ADCY8: variants seen among roughly 807,000 people sequenced by gnomAD.
ADCY8 encodes the protein adenylate cyclase 8.
In ADCY8, 51 loss-of-function variants were observed where a neutral mutation model predicts 119.7. That is an observed-to-expected ratio of 0.43 (90% CI 0.34 to 0.54). ADCY8 has a LOEUF of 0.54. Among genes scored for constraint, ADCY8 ranks in the 20% least tolerant of loss-of-function variants. The pLI is 0.03. For missense variants in ADCY8, 1,383 were observed against 1,598.8 expected (o/e 0.87, Z 2.30); for synonymous variants, 665 against 651.0 (o/e 1.02, Z -0.33).
intron 13 of ADCY8, among the ~76,000 whole-genome samples, chr8:130,818,788 C>T (rs367870540): frequency 6.6e-6 from 1 of 152,104 alleles, no homozygotes; most frequent in Non-Finnish European, 1.5e-5. Context: ...TGCAGAAAGC[C>T]GCCCCTATCA....
chr8:130,894,547 C>G (rs1281159855), intron 7 of ADCY8, among the ~76,000 whole-genome samples: 2 of 152,134 alleles, frequency 1.3e-5, no homozygotes, highest in South Asian at 2.1e-4. Flanking sequence ...TGGGAAGAGA[C>G]ACTGCCAAAT....
chr8:130,975,616 T>C (rs1383694536), intron 2 of ADCY8, among the ~76,000 whole-genome samples: 1 of 152,194 alleles, frequency 6.6e-6, no homozygotes, highest in East Asian at 1.9e-4. Context: ...GTCACAGTGA[T>C]TCAGTGAGGC....
chr8:130,788,259 AG>A (rs1669064636), intron 15 of ADCY8, among the ~76,000 whole-genome samples: 1 of 152,250 alleles, frequency 6.6e-6, no homozygotes, highest in Admixed American at 6.5e-5. Context: ...TCAATGGATG[AG>A]TAAATTCAAA....
chr8:130,938,413 T>C (rs1377820665), intron 4 of ADCY8, among the ~76,000 whole-genome samples: 2 of 152,250 alleles, frequency 1.3e-5, no homozygotes, highest in African/African-American at 4.8e-5. Context: ...ACATATCCTC[T>C]TGGTTTCCTT....
In ADCY8 at chr8:131,040,424, T is replaced by C. The variant is rs755306425; in HGVS notation, c.-91A>G. ...GACTCAAAGGCGGCCTGGTAGGAGC[T>C]TGGCAAGGATCCTTTTTATCCTAGG... On this transcript the variant is annotated 5_prime_UTR_variant, in exon 1 of 18. Transcript: ENST00000286355. The C allele has an allele frequency of 7.1e-5, 97 of 1,371,598 alleles. No individual in the cohort carries two copies. Among genetic ancestry groups the C allele is most frequent in the Non-Finnish European group, 9.0e-5 (96 of 1,062,714 alleles). The allele number at this position is 1,371,598 out of a possible 1,614,324, so 85.0% of individuals were successfully genotyped here.
chr8:130,948,330 G>A (rs1371299604), intron 3 of ADCY8, among the ~76,000 whole-genome samples: 1 of 152,342 alleles, frequency 6.6e-6, no homozygotes, highest in South Asian at 2.1e-4. Context: ...GAGCGTGAAT[G>A]ACTTCCAGTA....
chr8:130,973,153 T>A (rs1821973320), intron 2 of ADCY8, among the ~76,000 whole-genome samples: 1 of 152,190 alleles, frequency 6.6e-6, no homozygotes, highest in Non-Finnish European at 1.5e-5. Flanking sequence ...TGTAGGTACG[T>A]GTGTTTTTTG....
intron 14 of ADCY8, among the ~76,000 whole-genome samples, chr8:130,810,243 C>T (rs866680649): frequency 1.1e-4 from 17 of 152,094 alleles, no homozygotes; most frequent in African/African-American, 2.7e-4. Flanking sequence ...TTGCCTCTTA[C>T]GGTAACAGAG....
At chr8:131,000,170 G>C (rs146779474) in intron 1 of ADCY8, among the ~76,000 whole-genome samples, 376 of 152,266 alleles carry the variant, frequency 2.5e-3, no homozygotes, top group African/African-American at 8.7e-3. Context: ...AAGTTAAACA[G>C]CTCCACAGTG....
intron 11 of ADCY8, among the ~76,000 whole-genome samples, chr8:130,841,727 T>C (rs1035904684): frequency 2.0e-5 from 3 of 152,152 alleles, no homozygotes; most frequent in Non-Finnish European, 4.4e-5. Flanking sequence ...GCTGCCAAAA[T>C]CCCATAACAT....
At chr8:130,974,253 C>A (rs1822007152) in intron 2 of ADCY8, among the ~76,000 whole-genome samples, 1 of 152,180 alleles carries the variant, frequency 6.6e-6, no homozygotes, top group South Asian at 2.1e-4. Context: ...GCCCGGGATG[C>A]TTTCTCTTGG....
intron 1 of ADCY8, among the ~76,000 whole-genome samples, chr8:131,038,120 A>G (rs1824220871): frequency 6.6e-6 from 1 of 152,204 alleles, no homozygotes; most frequent in Admixed American, 6.5e-5. Context: ...AGGATCCCAC[A>G]TTGACCAGAA....
At chr8:130,980,030 T>C (rs922123820) in intron 2 of ADCY8, among the ~76,000 whole-genome samples, 4 of 152,168 alleles carry the variant, frequency 2.6e-5, no homozygotes, top group Non-Finnish European at 4.4e-5. Flanking sequence ...TTGGATTTTT[T>C]TCTGGGGCCC....
chr8:130,979,477 A>G (rs1437171829), intron 2 of ADCY8, among the ~76,000 whole-genome samples: 1 of 152,150 alleles, frequency 6.6e-6, no homozygotes, highest in Non-Finnish European at 1.5e-5. Context: ...ATATGAGTTG[A>G]GTTTCCTGTC....
chr8:131,015,543 A>T (rs777618119), intron 1 of ADCY8, among the ~76,000 whole-genome samples: 2 of 152,194 alleles, frequency 1.3e-5, no homozygotes, highest in African/African-American at 2.4e-5. Context: ...ACTTTTACAG[A>T]GACTTTAAAA....
intron 7 of ADCY8, 138 bp downstream of exon 7, chr8:130,903,634 G>C: frequency 1.0e-6 from 1 of 989,890 alleles, no homozygotes; most frequent in Non-Finnish European, 1.5e-6. Context: ...GAGACAGAGA[G>C]ATAGTTTGAT....
rs775562104 is a variant in ADCY8, at chr8:130,780,410, C to T, written c.3736G>A (p.Asp1246Asn). The T allele has an allele frequency of 3.3e-5, 51 of 1,539,032 alleles. No individual in the cohort carries two copies. The highest frequency in any genetic ancestry group is 2.8e-4 in the East Asian group (12 of 43,272). ...TEPGAQAEGTDKSDLP is the reference protein window; with the variant it reads ...TEPGAQAEGTNKSDLP The stretch of plus-strand genomic sequence containing the variant: ...TGCTTTTATGGCAAATCAGATTTGT[C>T]GGTGCCTTCAGCCTGGGCTCCAGGC... Residue 1246 changes from aspartate (D) to asparagine (N), a missense_variant, in exon 18 of 18, where the codon GAC becomes AAC. Coordinates refer to ENST00000286355, the MANE Select transcript of ADCY8 (RefSeq NM_001115.3).
chr8:130,911,389 A>G (rs1419847404), intron 5 of ADCY8, among the ~76,000 whole-genome samples: 1 of 152,186 alleles, frequency 6.6e-6, no homozygotes, highest in Non-Finnish European at 1.5e-5. Flanking sequence ...GCTTAAATCC[A>G]TTTATGAGAT....
chr8:130,817,128 T>G (rs1432144095), intron 13 of ADCY8, among the ~76,000 whole-genome samples: 1 of 152,252 alleles, frequency 6.6e-6, no homozygotes, highest in African/African-American at 2.4e-5. Context: ...ACAATTGTAT[T>G]AATATACTTA....
Sources: allele counts gnomAD v4.1 joint callset (sites outside exome capture counted in the v4.1 genomes callset), GRCh38; gene constraint gnomAD v4.1.1; transcripts MANE v1.5; gene names NCBI Gene and HGNC (gene_info 2026-07-23, HGNC 2026-07-21).